The following PARP2 variants were observed in gnomAD, a reference collection of about 807,000 sequenced individuals.
PARP2 encodes poly(ADP-ribose) polymerase 2, also known as poly [ADP-ribose] polymerase 2.
A neutral mutation model predicts 77.8 loss-of-function variants in PARP2; 57 were observed. The observed-to-expected ratio is 0.73, with a 90% CI of 0.59 to 0.91. The LOEUF is 0.91. Among genes scored for constraint, PARP2 ranks in the 40% least tolerant of loss-of-function variants. The pLI is 0.00. For missense variants in PARP2, 651 were observed against 689.0 expected (o/e 0.94, Z 0.62); for synonymous variants, 226 against 242.6 (o/e 0.93, Z 0.64).
chr14:20,352,556 T>A (rs1314681004), intron 7 of PARP2: 7 of 346,038 alleles, frequency 2.0e-5, no homozygotes, highest in Admixed American at 2.0e-4. Flanking sequence ...CTGATTTTTT[T>A]TCTTTTTTTT....
intron 4 of PARP2, among the ~76,000 whole-genome samples, chr14:20,349,068 G>A (rs1400586383): frequency 1.3e-5 from 2 of 152,104 alleles, no homozygotes; most frequent in African/African-American, 4.8e-5. Context: ...GCCAGGTGTG[G>A]TGGCTCATGC....
chr14:20,356,465 A>C (rs1884155768), intron 12 of PARP2, 31 bp downstream of exon 12: 2 of 1,613,844 alleles, frequency 1.2e-6, no homozygotes, highest in Admixed American at 1.7e-5. Flanking sequence ...TTGGAAAGAC[A>C]CTCCTTGCCC....
At chr14:20,355,866 C>T in intron 10 of PARP2, 31 bp from the exon 11 acceptor site, 2 of 1,613,768 alleles carry the variant, frequency 1.2e-6, no homozygotes, top group Non-Finnish European at 8.5e-7. Flanking sequence ...CCAGTGTCCT[C>T]CCACATTGAT....
chr14:20,344,070 G>A (rs1304535527), intron 1 of PARP2, among the ~76,000 whole-genome samples: 19 of 152,152 alleles, frequency 1.2e-4, no homozygotes, highest in Admixed American at 1.2e-3. Context: ...AGTAAAATGC[G>A]AGTCTTAGAC....
At chr14:20,349,264 G>A (rs777278613) in intron 4 of PARP2, among the ~76,000 whole-genome samples, 1 of 152,192 alleles carries the variant, frequency 6.6e-6, no homozygotes, top group African/African-American at 2.4e-5. Flanking sequence ...AGGCTACAGT[G>A]AGCTGTGATT....
At chr14:20,345,309 G>A (rs1460625298) in intron 2 of PARP2, 85 bp from the exon 3 acceptor site, 12 of 1,277,658 alleles carry the variant, frequency 9.4e-6, no homozygotes, top group Non-Finnish European at 1.3e-5. Context: ...GGTTGGGCGG[G>A]CAAAGTTAAT....
chr14:20,354,777 GT>G (rs1884081616), intron 8 of PARP2, 31 bp from the exon 9 acceptor site: 2 of 1,591,610 alleles, frequency 1.3e-6, no homozygotes, highest in Non-Finnish European at 1.7e-6. Flanking sequence ...TGGGATCCTA[GT>G]TTGGAGTCTG....
chr14:20,346,872 T>A lies in PARP2; in HGVS notation c.283T>A (p.Tyr95Asn), dbSNP rs181730432. 3.4e-5 allele frequency: 55 copies of A among 1,603,460 alleles called. No individual in the cohort carries two copies. In the East Asian group the frequency reaches 4.0e-4, roughly 12 times the overall value. Reference sequence around the variant, plus strand: ...CTCTCTCCCTTTCTAGGCTCATGTGTATTGTGAAGGAAATGATGTCTATGA... The same window carrying A: ...CTCTCTCCCTTTCTAGGCTCATGTGAATTGTGAAGGAAATGATGTCTATGA... ...CTAKVGKAHVYCEGNDVYDVM... is the reference protein window; with the variant it reads ...CTAKVGKAHVNCEGNDVYDVM... The change falls in exon 4 of 16, where the codon TAT becomes AAT. Residue 95 changes from tyrosine to asparagine, a missense_variant. Tyr to Asn is a moderately radical substitution (Grantham distance 143). Coordinates refer to ENST00000429687, the MANE Select transcript of PARP2 (RefSeq NM_001042618.2).
chr14:20,347,708 G>T (rs57336845), intron 4 of PARP2, among the ~76,000 whole-genome samples: 1 of 151,272 alleles, frequency 6.6e-6, no homozygotes, highest in Non-Finnish European at 1.5e-5. Context: ...ACTGCGCCCG[G>T]CAAGTCCTTT....
intron 4 of PARP2, among the ~76,000 whole-genome samples, chr14:20,349,356 A>C (rs1325529083): frequency 1.3e-5 from 2 of 150,700 alleles, no homozygotes; most frequent in African/African-American, 5.0e-5. Flanking sequence ...AAACATTTAC[A>C]AAAAAATTTT....
At chr14:20,344,539 CG>C (rs1883635141) in intron 1 of PARP2, among the ~76,000 whole-genome samples, 1 of 152,214 alleles carries the variant, frequency 6.6e-6, no homozygotes, top group Non-Finnish European at 1.5e-5. Context: ...CTTAAACCGG[CG>C]GGGTGAGGTG....
intron 1 of PARP2, among the ~76,000 whole-genome samples, 184 bp from the exon 2 acceptor site, chr14:20,344,748 G>A (rs3093887): frequency 0.074 from 11,232 of 152,252 alleles, 1,285 homozygotes; most frequent in African/African-American, 0.25. Flanking sequence ...AGGAGGCGGA[G>A]GTTGCAGTGA....
intron 4 of PARP2, among the ~76,000 whole-genome samples, chr14:20,347,653 C>T (rs1883817937): frequency 6.6e-6 from 1 of 150,850 alleles, no homozygotes; most frequent in Non-Finnish European, 1.5e-5. Context: ...TCAGGTGATC[C>T]ACCCACCTCA....
At chr14:20,349,001 CAA>C (rs975447118) in intron 4 of PARP2, among the ~76,000 whole-genome samples, 16 of 149,246 alleles carry the variant, frequency 1.1e-4, no homozygotes, top group African/African-American at 3.0e-4. Flanking sequence ...CCCTGGGCAA[CAA>C]GAGCAAAACT....
In PARP2 at chr14:20,357,899, G is replaced by T; in HGVS notation, c.*102G>T. The T allele has an allele frequency of 9.8e-7, 1 of 1,019,118 alleles. No homozygotes were observed. Among genetic ancestry groups the T allele is most frequent in the Non-Finnish European group, 1.5e-6 (1 of 684,030 alleles). 63.1% of individuals were successfully genotyped at this position (1,019,118 alleles called of 1,614,324 possible). ...TATTTTATGTAATAAAAACTGTACA[G>T]GTCTACCACTGGCTTCTTCGGGCTT... On this transcript the variant is annotated 3_prime_UTR_variant, in exon 16 of 16. Coordinates refer to ENST00000429687, the MANE Select transcript of PARP2 (RefSeq NM_001042618.2).
rs1356172833 is a variant in PARP2, at chr14:20,356,587, T to C, written c.1230-3T>C. ...GAGTACAATAATATTGGCTTTTCCT[T>C]AGGATGCTTCTATGGCATGGTTCCA... is the stretch of plus-strand genomic sequence containing the variant. On this transcript the variant is annotated splice_polypyrimidine_tract_variant and splice_region_variant and intron_variant, in intron 12 of 15. Transcript: ENST00000429687. 1.9e-6 allele frequency: 3 copies of C among 1,613,500 alleles called. No homozygotes were observed. Among genetic ancestry groups the C allele is most frequent in the East Asian group, 2.2e-5 (1 of 44,884 alleles).
chr14:20,356,656 T>A lies in PARP2; in HGVS notation c.1296T>A (p.Ile432=), dbSNP rs1884164462. ...GAATCTTGAGCCATGGGCTTCGAAT[T>A]GCCCCACCTGAAGCTCCCATCACAG... ...WVGILSHGLR[I]APPEAPITGY... The change falls in exon 13 of 16, where the codon ATT becomes ATA. Residue 432 remains isoleucine, a synonymous_variant. Transcript: ENST00000429687. 6.2e-7 allele frequency: 1 copy of A among 1,614,020 alleles called. No homozygotes were observed. The highest frequency in any genetic ancestry group is 1.1e-5 in the South Asian group (1 of 91,082).
chr14:20,356,312 T>C lies in PARP2; in HGVS notation c.1107T>C (p.Ile369=), dbSNP rs1307672376. The change falls in exon 12 of 16, where the codon ATT becomes ATC. Residue 369 remains isoleucine, a synonymous_variant. Coordinates refer to ENST00000429687, the MANE Select transcript of PARP2 (RefSeq NM_001042618.2). ...TTTTGTCTTATTTTTCACAGGTGATTTCCCAGTACCTACAATCTACCCATG... is the reference window on the plus strand; with the variant it reads ...TTTTGTCTTATTTTTCACAGGTGATCTCCCAGTACCTACAATCTACCCATG... The part of the protein sequence containing the change: ...LDHESYEFKV[I]SQYLQSTHAP... The C allele has an allele frequency of 6.2e-7, 1 of 1,614,060 alleles. No homozygotes were observed. The highest frequency in any genetic ancestry group is 1.3e-5 in the African/African-American group (1 of 75,040).
rs773347285 is a variant in PARP2, at chr14:20,354,229, A to G, written c.745A>G (p.Thr249Ala). ...EEMMMEMKYN[T>A]KKAPLGKLTV... ...AATGATGATGGAAATGAAGTATAAT[A>G]CCAAGAAAGCCCCACTTGGTAGGAC... The change falls in exon 8 of 16, where the codon ACC becomes GCC. Residue 249 changes from threonine (T) to alanine (A), a missense_variant. Coordinates refer to ENST00000429687, the MANE Select transcript of PARP2 (RefSeq NM_001042618.2). The G allele has an allele frequency of 6.2e-7, 1 of 1,613,484 alleles. No homozygotes were observed. Among genetic ancestry groups the G allele is most frequent in the Non-Finnish European group, 8.5e-7 (1 of 1,179,616 alleles).
Sources: allele counts gnomAD v4.1 joint callset (sites outside exome capture counted in the v4.1 genomes callset), GRCh38; gene constraint gnomAD v4.1.1; transcripts MANE v1.5; gene names NCBI Gene and HGNC (gene_info 2026-07-23, HGNC 2026-07-21).